SEC63: variants seen among roughly 807,000 people sequenced by gnomAD.
SEC63 encodes SEC63 protein translocation regulator, also known as translocation protein SEC63 homolog.
In SEC63, 56 loss-of-function variants were observed where a neutral mutation model predicts 116.2. The ratio of observed to expected loss-of-function variants is 0.48; its 90% confidence interval spans 0.39 to 0.60. The LOEUF (loss-of-function observed/expected upper bound fraction) is 0.60. Among genes scored for constraint, SEC63 ranks in the 20% least tolerant of loss-of-function variants. The pLI, the probability that SEC63 is intolerant of heterozygous loss-of-function variation, is 0.00. For synonymous variants in SEC63, 273 were observed against 294.6 expected, an observed-to-expected ratio of 0.93 and a Z score of 0.75; for missense variants, 668 against 900.0, an observed-to-expected ratio of 0.74 and a Z score of 3.30.
chr6:107,881,256 A>T lies in SEC63; in HGVS notation c.1834-6T>A. The T allele has an allele frequency of 6.3e-7, 1 of 1,582,720 alleles. No individual in the cohort carries two copies. Among genetic ancestry groups the T allele is most frequent in the Non-Finnish European group, 8.7e-7 (1 of 1,153,034 alleles). ...TGTTGTAATTCTTGCCACTCCTAGTAAACAAAAAAATTAAAATATTTAAAA... is the reference window on the plus strand; with the variant it reads ...TGTTGTAATTCTTGCCACTCCTAGTTAACAAAAAAATTAAAATATTTAAAA... On this transcript the variant is annotated splice_region_variant and splice_polypyrimidine_tract_variant and intron_variant, in intron 17 of 20. Coordinates refer to ENST00000369002, the MANE Select transcript of SEC63 (RefSeq NM_007214.5).
At position 107,904,594 on chromosome 6, in the gene SEC63, A is replaced by C. The variant is rs748645018; in HGVS notation, c.1054+35T>G. The C allele has an allele frequency of 7.9e-6, 12 of 1,516,806 alleles. No individual in the cohort carries two copies. The East Asian group carries it at 2.5e-4, about 31-fold the overall frequency. 94.0% of individuals were successfully genotyped at this position (1,516,806 alleles called of 1,614,324 possible). A position where few individuals can be genotyped will look rare whatever the true frequency, so the allele number is the denominator to read the frequency against. Reference sequence around the variant, plus strand: ...TACAATCTGCATATGCTTGCAAGAAAAAGTATAACATAATTAACTATATTT... The same window carrying C: ...TACAATCTGCATATGCTTGCAAGAACAAGTATAACATAATTAACTATATTT... On this transcript the variant is annotated intron_variant, in intron 11 of 20. Transcript: ENST00000369002.
intron 16 of SEC63, among the ~76,000 whole-genome samples, chr6:107,887,212 T>C (rs1260683705): frequency 1.3e-5 from 2 of 150,476 alleles, no homozygotes; most frequent in Non-Finnish European, 3.0e-5. Flanking sequence ...GATCTAGAAC[T>C]GGAAATACCA....
chr6:107,953,121 A>G (rs1770613791), intron 1 of SEC63, among the ~76,000 whole-genome samples: 1 of 152,154 alleles, frequency 6.6e-6, no homozygotes, highest in Admixed American at 6.5e-5. Flanking sequence ...TAAGCCAGGC[A>G]TGGTGGCTCG....
chr6:107,921,987 T>C (rs977452567), intron 3 of SEC63, 78 bp from the exon 4 acceptor site: 8 of 835,216 alleles, frequency 9.6e-6, no homozygotes, highest in African/African-American at 1.7e-5. Flanking sequence ...TAATCAATCC[T>C]ATTTTGAACT....
At chr6:107,953,442 G>A (rs1770621090) in intron 1 of SEC63, among the ~76,000 whole-genome samples, 1 of 151,060 alleles carries the variant, frequency 6.6e-6, no homozygotes, top group South Asian at 2.1e-4. Flanking sequence ...CGGGAGGTGA[G>A]GGGCACCTCT....
At chr6:107,885,603 C>A (rs1786509466) in intron 16 of SEC63, among the ~76,000 whole-genome samples, 1 of 152,050 alleles carries the variant, frequency 6.6e-6, no homozygotes, top group Non-Finnish European at 1.5e-5. Flanking sequence ...CAATGCAATA[C>A]CAATGTAAAT....
intron 16 of SEC63, among the ~76,000 whole-genome samples, chr6:107,892,449 C>T (rs569151894): frequency 2.0e-5 from 3 of 152,134 alleles, no homozygotes; most frequent in African/African-American, 7.2e-5. Flanking sequence ...ATAATGTTTC[C>T]AGAAGAAAAC....
intron 19 of SEC63, among the ~76,000 whole-genome samples, chr6:107,875,471 C>T (rs1004875633): frequency 2.0e-5 from 3 of 152,028 alleles, no homozygotes; most frequent in Admixed American, 6.6e-5. Flanking sequence ...CCAAAGCAGG[C>T]GGATCTCTTG....
chr6:107,883,642 T>A (rs1404393193), intron 16 of SEC63, among the ~76,000 whole-genome samples: 28 of 146,316 alleles, frequency 1.9e-4, no homozygotes, highest in Non-Finnish European at 2.4e-4. Flanking sequence ...AAAAAAAAAA[T>A]TATATATATA....
intron 16 of SEC63, among the ~76,000 whole-genome samples, chr6:107,891,667 TG>T (rs1326149120): frequency 2.6e-5 from 4 of 152,330 alleles, no homozygotes; most frequent in African/African-American, 9.6e-5. Flanking sequence ...TCAGCCTTTT[TG>T]GGCTGATTTC....
In SEC63 at chr6:107,901,424, C is replaced by A. The variant is rs377599674; in HGVS notation, c.1303G>T (p.Val435Phe). 3 of 1,613,144 alleles carry A rather than the reference C, an allele frequency of 1.9e-6. No homozygotes were observed. Among genetic ancestry groups the A allele is most frequent in the African/African-American group, 2.7e-5 (2 of 74,828 alleles). ...HFLEDEKYEE[V>F]MAVLGSFPYV... is the part of the protein sequence containing the mutation. ...GGAAAACTCCCAAGGACAGCCATAA[C>A]CTCTTCATATTTTTCATCTTCAAGG... The change falls in exon 13 of 21, where the codon GTT (valine) becomes TTT (phenylalanine). Residue 435 changes from valine to phenylalanine, a missense_variant. Transcript: ENST00000369002.
chr6:107,955,701 C>T (rs1770696654), intron 1 of SEC63, among the ~76,000 whole-genome samples: 1 of 151,814 alleles, frequency 6.6e-6, no homozygotes, highest in Admixed American at 6.6e-5. Flanking sequence ...GCCTGGTCAA[C>T]ATGGTGAAAC....
rs1233752586 is a variant in SEC63 at position 107,889,224 on chromosome 6, CTTT to C, written c.1674+4255_1674+4257del. On this transcript the variant is annotated intron_variant, in intron 16 of 20. Coordinates refer to ENST00000369002, the MANE Select transcript of SEC63 (RefSeq NM_007214.5). ...GGCCGTGAAACCATCTGGTCCTGGA[CTTT>C]TTTTTGGTTGGTAGGGTATTAATTG... 1.3e-4 allele frequency among the ~76,000 whole-genome samples: 19 copies of C among 151,898 alleles called. No individual in the cohort carries two copies. The East Asian group carries it at 3.7e-3, about 29-fold the overall frequency.
At chr6:107,906,297 G>T in intron 10 of SEC63, 151 bp downstream of exon 10, 1 of 904,624 alleles carries the variant, frequency 1.1e-6, no homozygotes, top group East Asian at 2.4e-5. Context: ...TCAGAACAAT[G>T]AGCCAATTAA....
Position 107,913,440 on chromosome 6 carries a change from G to T in SEC63, c.453-13C>A, listed in dbSNP as rs758659444. 7 of 1,609,242 alleles carry T rather than the reference G, an allele frequency of 4.3e-6. No homozygotes were observed. In the South Asian group the frequency reaches 7.7e-5, roughly 18 times the overall value. On this transcript the variant is annotated splice_polypyrimidine_tract_variant and intron_variant, in intron 4 of 20. Transcript: ENST00000369002. Reference sequence around the variant, plus strand: ...TTCATCCGTTAAACTAGCATCAAAAGAACAAAGTTGCAAAATTAGAAAGCC... The same window carrying T: ...TTCATCCGTTAAACTAGCATCAAAATAACAAAGTTGCAAAATTAGAAAGCC...
In SEC63 at chr6:107,924,905, T is replaced by C; in HGVS notation, c.252A>G (p.Ala84=). The C allele has an allele frequency of 1.3e-6, 2 of 1,596,028 alleles. No homozygotes were observed. The highest frequency in any genetic ancestry group is 1.1e-5 in the South Asian group (1 of 90,734). ...VKKIVLLAGW[A]LFLFLAYKVS... ...CTTTATATGCAAGGAATAAGAACAA[T>C]GCCCATCCTGCAAGCAGAACTATTT... is the stretch of plus-strand genomic sequence containing the variant. Residue 84 remains alanine, a synonymous_variant, in exon 3 of 21, where the codon GCA becomes GCG. Transcript: ENST00000369002.
intron 1 of SEC63, among the ~76,000 whole-genome samples, chr6:107,939,508 T>C (rs1770327878): frequency 1.3e-5 from 2 of 152,154 alleles, no homozygotes; most frequent in Admixed American, 1.3e-4. Flanking sequence ...TCCCAGCACT[T>C]TGGGAGGCCG....
At chr6:107,935,925 C>T (rs1052741599) in intron 1 of SEC63, among the ~76,000 whole-genome samples, 7 of 152,050 alleles carry the variant, frequency 4.6e-5, no homozygotes, top group Non-Finnish European at 2.9e-5. Context: ...GATGAGATGG[C>T]GGTAATGTTA....
chr6:107,929,275 AT>A (rs1787744160), intron 2 of SEC63, 139 bp downstream of exon 2: 5 of 599,120 alleles, frequency 8.3e-6, no homozygotes, highest in African/African-American at 1.9e-5. Flanking sequence ...CTGTTCCCAC[AT>A]TTTCTCCTAT....
Sources: gnomAD v4.1 joint callset for allele counts (sites outside exome capture counted in the v4.1 genomes callset) on GRCh38, gnomAD v4.1.1 for gene constraint, MANE v1.5 for transcripts, NCBI Gene and HGNC (gene_info 2026-07-23, HGNC 2026-07-21) for gene names.